The following SDCCAG8 variants were observed in gnomAD, a reference collection of about 807,000 sequenced individuals.
SDCCAG8 encodes serologically defined colon cancer antigen 8.
SDCCAG8 carries 74 observed loss-of-function variants against 101.8 expected under a neutral mutation model. That is an observed-to-expected ratio of 0.73 (90% CI 0.60 to 0.88). SDCCAG8 has a LOEUF of 0.88. Ranked by LOEUF, SDCCAG8 falls within the 40% of genes least tolerant of loss-of-function variation. SDCCAG8 has a pLI of 0.00. For synonymous variants in SDCCAG8, 281 were observed against 292.9 expected (o/e 0.96, Z 0.41); for missense variants, 787 against 822.6 (o/e 0.96, Z 0.53).
At chr1:243,334,411 G>A (rs928387752) in intron 10 of SDCCAG8, among the ~76,000 whole-genome samples, 1 of 152,130 alleles carries the variant, frequency 6.6e-6, no homozygotes, top group Non-Finnish European at 1.5e-5. Context: ...CCGGTCTTAT[G>A]TTCCTTCATT....
intron 12 of SDCCAG8, among the ~76,000 whole-genome samples, chr1:243,371,464 A>G (rs1281119380): frequency 6.6e-6 from 1 of 152,174 alleles, no homozygotes; most frequent in Non-Finnish European, 1.5e-5. Context: ...ACAGAATGGA[A>G]TTTTAAAATA....
intron 12 of SDCCAG8, among the ~76,000 whole-genome samples, chr1:243,346,954 A>G (rs1349258220): frequency 6.6e-6 from 1 of 152,196 alleles, no homozygotes; most frequent in African/African-American, 2.4e-5. Context: ...TCCATCACCT[A>G]CACTCATCAT....
At chr1:243,481,654 T>G (rs1027423715) in intron 16 of SDCCAG8, among the ~76,000 whole-genome samples, 2 of 152,108 alleles carry the variant, frequency 1.3e-5, no homozygotes, top group African/African-American at 2.4e-5. Flanking sequence ...CCCAGGGAAA[T>G]AGTGAGTCTA....
At chr1:243,406,849 C>T (rs1573867992) in intron 13 of SDCCAG8, among the ~76,000 whole-genome samples, 1 of 152,120 alleles carries the variant, frequency 6.6e-6, no homozygotes, top group South Asian at 2.1e-4. Context: ...ACAAACTGTC[C>T]ACTTCACTTG....
rs1256449972 is a variant in SDCCAG8, at chr1:243,489,049, C to T, written c.2021C>T (p.Ala674Val). The T allele has an allele frequency of 6.2e-7, 1 of 1,613,442 alleles. No homozygotes were observed. Among genetic ancestry groups the T allele is most frequent in the Non-Finnish European group, 8.5e-7 (1 of 1,180,034 alleles). The change falls in exon 17 of 18, where the codon GCC becomes GTC. Residue 674 changes from alanine to valine, a missense_variant. Ala to Val is a moderately conservative substitution (Grantham distance 64). Coordinates refer to ENST00000366541, the MANE Select transcript of SDCCAG8 (RefSeq NM_006642.5). ...RQLDKHSQAT[A>V]QQLVQLLSKQ... ...CTGGATAAGCACAGCCAGGCCACAG[C>T]CCAGCAGCTGGTGCAGCTCCTCAGC...
rs1345686179 is a variant in SDCCAG8 at position 243,256,080 on chromosome 1, C to T, written c.-94C>T. On this transcript the variant is annotated 5_prime_UTR_variant, in exon 1 of 18. Coordinates refer to ENST00000366541, the MANE Select transcript of SDCCAG8 (RefSeq NM_006642.5). ...TGTGACAGCCGCGGCAGGAAGCAGG[C>T]GGGCGCTCCCCGGCCACAGGCCTGT... 2.5e-6 allele frequency: 3 copies of T among 1,186,104 alleles called. No homozygotes were observed. The highest frequency in any genetic ancestry group is 3.0e-5 in the African/African-American group (2 of 66,690). The allele number at this position is 1,186,104 out of a possible 1,614,324, so 73.5% of individuals were successfully genotyped here. A position where few individuals can be genotyped will look rare whatever the true frequency, so the allele number is the denominator to read the frequency against.
At chr1:243,467,270 TG>T (rs1254099936) in intron 16 of SDCCAG8, among the ~76,000 whole-genome samples, 1 of 152,244 alleles carries the variant, frequency 6.6e-6, no homozygotes, top group Non-Finnish European at 1.5e-5. Context: ...CACTTTGAAC[TG>T]GATTGAAGTC....
intron 3 of SDCCAG8, among the ~76,000 whole-genome samples, chr1:243,271,953 T>A (rs1249577645): frequency 6.6e-6 from 1 of 152,226 alleles, no homozygotes; most frequent in Non-Finnish European, 1.5e-5. Flanking sequence ...TTGTTTGTTA[T>A]TGCTTTGACA....
rs146986841 is a variant in SDCCAG8, at chr1:243,289,322, G to A, written c.546+2925G>A. Among the ~76,000 whole-genome samples the A allele has an allele frequency of 1.2e-4, 18 of 152,166 alleles. No homozygotes were observed. The East Asian group carries it at 1.7e-3, about 15-fold the overall frequency. ...ATGTTTTTCTGCCTGCTTTATATTC[G>A]CTGGCAGCTGATTAGATGGTGCCCA... is the stretch of plus-strand genomic sequence containing the variant. On this transcript the variant is annotated intron_variant, in intron 5 of 17. Transcript: ENST00000366541.
chr1:243,268,942 C>T (rs1000166694), intron 1 of SDCCAG8, among the ~76,000 whole-genome samples: 2 of 149,484 alleles, frequency 1.3e-5, no homozygotes, highest in Non-Finnish European at 3.0e-5. Context: ...TTTTCTCTTT[C>T]TTCGTGCCTC....
chr1:243,403,209 G>A (rs1207928733), intron 13 of SDCCAG8, among the ~76,000 whole-genome samples: 2 of 152,142 alleles, frequency 1.3e-5, no homozygotes, highest in Admixed American at 6.6e-5. Context: ...ATGAGGTTCC[G>A]CCTTGACGTG....
intron 16 of SDCCAG8, among the ~76,000 whole-genome samples, chr1:243,427,754 A>G (rs940789415): frequency 1.3e-5 from 2 of 152,182 alleles, no homozygotes; most frequent in Non-Finnish European, 1.5e-5. Flanking sequence ...AGATGATGGC[A>G]CTGCTTGTCA....
At chr1:243,371,344 C>T (rs1394712977) in intron 12 of SDCCAG8, among the ~76,000 whole-genome samples, 2 of 152,114 alleles carry the variant, frequency 1.3e-5, no homozygotes, top group African/African-American at 4.8e-5. Flanking sequence ...TTTTGAATCT[C>T]AGCTCTGCCA....
chr1:243,495,592 C>T (rs1325673877), intron 17 of SDCCAG8, among the ~76,000 whole-genome samples: 1 of 152,188 alleles, frequency 6.6e-6, no homozygotes, highest in East Asian at 1.9e-4. Flanking sequence ...GGGGACGAGG[C>T]CCCTCAGTGA....
At chr1:243,271,338 T>C (rs1181577021) in intron 3 of SDCCAG8, among the ~76,000 whole-genome samples, 1 of 148,772 alleles carries the variant, frequency 6.7e-6, no homozygotes, top group East Asian at 1.9e-4. Flanking sequence ...ATATGTAATA[T>C]AAATATATAA....
intron 16 of SDCCAG8, among the ~76,000 whole-genome samples, chr1:243,480,289 T>C (rs1413223425): frequency 1.4e-5 from 2 of 139,994 alleles, no homozygotes; most frequent in Non-Finnish European, 3.1e-5. Flanking sequence ...ATGGAATGGA[T>C]GGGTGGATGG....
chr1:243,351,976 G>A (rs866948939), intron 12 of SDCCAG8, among the ~76,000 whole-genome samples: 5 of 152,124 alleles, frequency 3.3e-5, no homozygotes, highest in African/African-American at 9.7e-5. Context: ...ATTTAGTCAC[G>A]TTGTTAATGA....
intron 14 of SDCCAG8, among the ~76,000 whole-genome samples, chr1:243,417,601 A>G (rs2080682182): frequency 1.3e-5 from 2 of 152,336 alleles, no homozygotes; most frequent in South Asian, 4.1e-4. Flanking sequence ...TCTGGTTGTG[A>G]TAATTTTTGA....
At chr1:243,306,118 A>G (rs2072099177) in intron 7 of SDCCAG8, 1 of 151,272 alleles carries the variant, frequency 6.6e-6, no homozygotes, top group South Asian at 2.1e-4. Context: ...CCGAGCTGGA[A>G]CTCATAGCTT....
Sources: allele counts gnomAD v4.1 joint callset (sites outside exome capture counted in the v4.1 genomes callset), GRCh38; gene constraint gnomAD v4.1.1; transcripts MANE v1.5; gene names NCBI Gene and HGNC (gene_info 2026-07-23, HGNC 2026-07-21).